Variants in ADCY8 observed in about 807,000 individuals in gnomAD.
ADCY8 encodes adenylate cyclase type 8.
Under a neutral mutation model 119.7 loss-of-function variants are expected in ADCY8, and 51 were observed. The observed-to-expected ratio is 0.43, with a 90% CI of 0.34 to 0.54. The LOEUF is 0.54. Among genes scored for constraint, ADCY8 ranks in the 20% least tolerant of loss-of-function variants. The probability of loss-of-function intolerance (pLI) is 0.03; values close to 1 mark genes in which losing one functional copy is unlikely to be tolerated. For synonymous variants in ADCY8, 665 were observed against 651.0 expected (o/e 1.02, Z -0.33); for missense variants, 1,383 against 1,598.8 (o/e 0.87, Z 2.30).
chr8:131,011,407 A>G (rs569697105), intron 1 of ADCY8, among the ~76,000 whole-genome samples: 6 of 152,236 alleles, frequency 3.9e-5, no homozygotes, highest in South Asian at 2.1e-4. Flanking sequence ...TTGCATCTAG[A>G]GTGCTTTATG....
At chr8:131,020,221 C>T (rs1156679533) in intron 1 of ADCY8, among the ~76,000 whole-genome samples, 1 of 152,032 alleles carries the variant, frequency 6.6e-6, no homozygotes, top group Non-Finnish European at 1.5e-5. Flanking sequence ...AGATTCTAAG[C>T]CATCATCATA....
At chr8:130,818,310 C>G (rs1816406321) in intron 13 of ADCY8, among the ~76,000 whole-genome samples, 1 of 152,134 alleles carries the variant, frequency 6.6e-6, no homozygotes, top group African/African-American at 2.4e-5. Context: ...GGAGACAGGA[C>G]CTCATTATTC....
chr8:130,867,968 A>G (rs1818187171), intron 8 of ADCY8, 22 bp from the exon 9 acceptor site: 2 of 1,543,130 alleles, frequency 1.3e-6, no homozygotes. Flanking sequence ...AAAAGAGAGA[A>G]TGAGTTACTT....
chr8:130,907,038 G>A (rs748896675), intron 6 of ADCY8, among the ~76,000 whole-genome samples: 1 of 152,028 alleles, frequency 6.6e-6, no homozygotes, highest in Non-Finnish European at 1.5e-5. Flanking sequence ...CCCTGGAACT[G>A]TATTATATGG....
chr8:130,960,653 G>C (rs1014260216), intron 2 of ADCY8, among the ~76,000 whole-genome samples: 24 of 152,082 alleles, frequency 1.6e-4, no homozygotes, highest in Non-Finnish European at 3.4e-4. Flanking sequence ...AATAAAAACA[G>C]AGCATGGATG....
intron 8 of ADCY8, among the ~76,000 whole-genome samples, chr8:130,874,466 A>G (rs948042510): frequency 6.6e-6 from 1 of 152,140 alleles, no homozygotes; most frequent in Non-Finnish European, 1.5e-5. Flanking sequence ...CAATAAAATT[A>G]TTATTAAGAG....
At chr8:130,820,285 A>C (rs1158251123) in intron 13 of ADCY8, among the ~76,000 whole-genome samples, 2 of 151,982 alleles carry the variant, frequency 1.3e-5, no homozygotes, top group African/African-American at 2.4e-5. Flanking sequence ...CTATTTTCTC[A>C]GGGTTCGTTA....
chr8:130,965,745 C>G (rs1821743279), intron 2 of ADCY8, among the ~76,000 whole-genome samples: 1 of 151,968 alleles, frequency 6.6e-6, no homozygotes, highest in South Asian at 2.1e-4. Context: ...AGCATTATTT[C>G]AAAAGAATAG....
rs146049456 is a variant in ADCY8, at chr8:131,006,764, A to T, written c.961-16222T>A. Among the ~76,000 whole-genome samples the T allele has an allele frequency of 2.8e-3, 425 of 152,268 alleles. 2 individuals carry two copies. The highest frequency in any genetic ancestry group is 4.8e-3 in the Non-Finnish European group (325 of 68,028). On this transcript the variant is annotated intron_variant, in intron 1 of 17. Transcript: ENST00000286355. ...AGGTTCTCTCACCAATCCTGTTTAG[A>T]TCTCCATGAGAAATGTCAGAACTGA...
intron 7 of ADCY8, among the ~76,000 whole-genome samples, chr8:130,886,136 T>C (rs1025606115): frequency 1.3e-5 from 2 of 152,206 alleles, no homozygotes; most frequent in East Asian, 3.9e-4. Flanking sequence ...AGGTAATCAA[T>C]GTAACATAAA....
intron 16 of ADCY8, among the ~76,000 whole-genome samples, chr8:130,784,174 A>ATGTGGGTATGGGTATGTG (rs1305675260): frequency 2.0e-5 from 3 of 151,790 alleles, no homozygotes; most frequent in African/African-American, 4.8e-5. Context: ...CCGTGAGTGT[A>ATGTGGGTATGGGTATGTG]TGTGGGTATG....
chr8:130,990,455 A>G lies in ADCY8; in HGVS notation c.1048T>C (p.Phe350Leu). ...TCCACACACCTCCGAGTCTCCAGGA[A>G]AGCTTGGCGCTGGGCCCGGTCTGAC... ...YLSDRAQRQAFLETRRCVEAR... is the reference protein window; with the variant it reads ...YLSDRAQRQALLETRRCVEAR... The change falls in exon 2 of 18, where the codon TTC becomes CTC. Residue 350 changes from phenylalanine to leucine, a missense_variant. By Grantham distance (22) the Phe-to-Leu change is conservative. Coordinates refer to ENST00000286355, the MANE Select transcript of ADCY8 (RefSeq NM_001115.3). The G allele has an allele frequency of 6.2e-7, 1 of 1,614,194 alleles. No individual in the cohort carries two copies. The highest frequency in any genetic ancestry group is 8.5e-7 in the Non-Finnish European group (1 of 1,180,008).
intron 15 of ADCY8, among the ~76,000 whole-genome samples, chr8:130,793,006 C>T (rs1400362237): frequency 6.6e-6 from 1 of 152,134 alleles, no homozygotes; most frequent in Non-Finnish European, 1.5e-5. Context: ...GGAGCTGCGG[C>T]CCAAGTCTTT....
chr8:130,862,138 G>T (rs1817952875), intron 9 of ADCY8, among the ~76,000 whole-genome samples: 1 of 152,080 alleles, frequency 6.6e-6, no homozygotes, highest in African/African-American at 2.4e-5. Context: ...GTAGTAACTA[G>T]ATTTTAATTT....
At position 130,884,868 on chromosome 8, in the gene ADCY8, C is replaced by A. The variant is rs1374250775; in HGVS notation, c.1912-107G>T. 3 of 1,111,176 alleles carry A rather than the reference C, an allele frequency of 2.7e-6. No individual in the cohort carries two copies. In the Admixed American group the frequency reaches 5.2e-5, roughly 19 times the overall value. The allele number at this position is 1,111,176 out of a possible 1,614,324, so 68.8% of individuals were successfully genotyped here. On this transcript the variant is annotated intron_variant, in intron 7 of 17. Transcript: ENST00000286355. ...TTGCATTGCAAACAGTAATAGCATT[C>A]CATGCAGTTGTATTCAGTGAAACCT...
intron 1 of ADCY8, among the ~76,000 whole-genome samples, chr8:131,023,548 G>A (rs1355770124): frequency 6.6e-6 from 1 of 152,086 alleles, no homozygotes; most frequent in African/African-American, 2.4e-5. Flanking sequence ...TTATATTTTA[G>A]TGCTTAGTCT....
chr8:130,948,645 TAAAA>T lies in ADCY8; in HGVS notation c.1241+3219_1241+3222del, dbSNP rs34700138. Among the ~76,000 whole-genome samples, 119 of 91,194 alleles carry T rather than the reference TAAAA, an allele frequency of 1.3e-3. No individual in the cohort carries two copies. The Middle Eastern group carries it at 0.021, about 16-fold the overall frequency. The allele number at this position is 91,194 out of a possible 152,430, so 59.8% of individuals were successfully genotyped here. On this transcript the variant is annotated intron_variant, in intron 3 of 17. Coordinates refer to ENST00000286355, the MANE Select transcript of ADCY8 (RefSeq NM_001115.3). Reference sequence around the variant, plus strand: ...TTTTTTAGGAAAGAGTCTTCAAAATTAAAAAAAAAAAAAAAAAAAAGCCAAGGGA... The same window carrying T: ...TTTTTTAGGAAAGAGTCTTCAAAATTAAAAAAAAAAAAAAAAGCCAAGGGA...
At chr8:130,936,169 A>C (rs986085277) in intron 5 of ADCY8, among the ~76,000 whole-genome samples, 1 of 151,754 alleles carries the variant, frequency 6.6e-6, no homozygotes, top group African/African-American at 2.4e-5. Context: ...AGGACGTGAC[A>C]CTTAGAGGCT....
chr8:131,001,825 T>A (rs1255588878), intron 1 of ADCY8, among the ~76,000 whole-genome samples: 1 of 152,132 alleles, frequency 6.6e-6, no homozygotes, highest in Non-Finnish European at 1.5e-5. Flanking sequence ...CAGAGGACCA[T>A]GAAGTATTAA....
Sources: gnomAD v4.1 joint callset for allele counts (sites outside exome capture counted in the v4.1 genomes callset) on GRCh38, gnomAD v4.1.1 for gene constraint, MANE v1.5 for transcripts, NCBI Gene and HGNC (gene_info 2026-07-23, HGNC 2026-07-21) for gene names.